The following H2AZ2 variants were observed in gnomAD, a reference collection of about 807,000 sequenced individuals.
The protein encoded by H2AZ2 is H2A.Z variant histone 2.
Under a neutral mutation model 15.5 loss-of-function variants are expected in H2AZ2, and 5 were observed. That is an observed-to-expected ratio of 0.32 (90% confidence interval 0.17 to 0.68). H2AZ2 has a LOEUF of 0.68. Among genes scored for constraint, H2AZ2 ranks in the 30% least tolerant of loss-of-function variants. The pLI, the probability that H2AZ2 is intolerant of heterozygous loss-of-function variation, is 0.72. For synonymous variants in H2AZ2, 44 were observed against 57.4 expected, an observed-to-expected ratio of 0.77 and a Z score of 1.05; for missense variants, 42 against 162.5, an observed-to-expected ratio of 0.26 and a Z score of 4.03.
rs960793381 is a variant in H2AZ2, at chr7:44,831,987, T to C, written c.*2514A>G. 6.6e-6 allele frequency among the ~76,000 whole-genome samples: 1 copy of C among 152,172 alleles called. No homozygotes were observed. The highest frequency in any genetic ancestry group is 2.4e-5 in the African/African-American group (1 of 41,420). On this transcript the variant is annotated 3_prime_UTR_variant, in exon 5 of 5. Transcript: ENST00000308153. ...AACAGAACAACAGAAGCCCTCTAGA[T>C]CTGTCAGTTTATAGAACATATAGGG... is the stretch of plus-strand genomic sequence containing the variant.
chr7:44,829,878 A>G (rs1183613860), downstream of H2AZ2: 1 of 348,158 alleles, frequency 2.9e-6, no homozygotes, highest in East Asian at 5.7e-5. Flanking sequence ...AGTTTATCCA[A>G]AAGGTCAAAC....
chr7:44,843,497 T>C, intron 1 of H2AZ2, 143 bp from the exon 2 acceptor site: 6 of 604,510 alleles, frequency 9.9e-6, no homozygotes, highest in East Asian at 2.8e-5. Flanking sequence ...TAAATATACA[T>C]GGGATTCTAT....
intron 3 of H2AZ2, among the ~76,000 whole-genome samples, chr7:44,840,254 A>T (rs989560567): frequency 1.5e-4 from 23 of 151,946 alleles, no homozygotes; most frequent in East Asian, 1.9e-4. Flanking sequence ...ACTTTTAAAA[A>T]TTTTTTTACT....
At chr7:44,840,582 C>T (rs1202017590) in intron 3 of H2AZ2, among the ~76,000 whole-genome samples, 1 of 152,086 alleles carries the variant, frequency 6.6e-6, no homozygotes, top group Non-Finnish European at 1.5e-5. Flanking sequence ...ACCAGTGTGG[C>T]CAACATGGTG....
At chr7:44,839,378 C>CA (rs1562787275) in intron 3 of H2AZ2, among the ~76,000 whole-genome samples, 1 of 151,632 alleles carries the variant, frequency 6.6e-6, no homozygotes, top group Admixed American at 6.6e-5. Context: ...CCTGTCTCCA[C>CA]AAAAAAATAA....
chr7:44,836,377 A>T (rs1793123411), intron 3 of H2AZ2, among the ~76,000 whole-genome samples: 1 of 152,178 alleles, frequency 6.6e-6, no homozygotes, highest in Non-Finnish European at 1.5e-5. Context: ...AATTTTTTAA[A>T]AATAAAAGAG....
In H2AZ2 at chr7:44,833,948, C is replaced by G. The variant is rs544365702; in HGVS notation, c.*553G>C. 2.9e-5 allele frequency: 5 copies of G among 175,396 alleles called. No individual in the cohort carries two copies. Among genetic ancestry groups the G allele is most frequent in the Non-Finnish European group, 5.6e-5 (5 of 89,476 alleles). The allele number at this position is 175,396 out of a possible 1,614,324, so 10.9% of individuals were successfully genotyped here. On this transcript the variant is annotated 3_prime_UTR_variant, in exon 5 of 5. Transcript: ENST00000308153. Reference sequence around the variant, plus strand: ...TCCACTACCATTTCAGTCATAAATGCATACTTTTCTATAATCTAACATCTC... The same window carrying G: ...TCCACTACCATTTCAGTCATAAATGGATACTTTTCTATAATCTAACATCTC...
chr7:44,832,817 G>A lies in H2AZ2; in HGVS notation c.*1684C>T, dbSNP rs1345991040. 1.3e-5 allele frequency among the ~76,000 whole-genome samples: 2 copies of A among 152,056 alleles called. No homozygotes were observed. Among genetic ancestry groups the A allele is most frequent in the South Asian group, 2.1e-4 (1 of 4,832 alleles). On this transcript the variant is annotated 3_prime_UTR_variant, in exon 5 of 5. Coordinates refer to ENST00000308153, the MANE Select transcript of H2AZ2 (RefSeq NM_012412.5). ...TAAAAAAAATTAGCCAGGTATGGTGGCATGTGCCTGTGGTCCCAGCTATTT... is the reference window on the plus strand; with the variant it reads ...TAAAAAAAATTAGCCAGGTATGGTGACATGTGCCTGTGGTCCCAGCTATTT...
At chr7:44,834,784 C>CTTTT (rs35455193) in intron 4 of H2AZ2, 18 of 159,606 alleles carry the variant, frequency 1.1e-4, no homozygotes, top group Non-Finnish European at 1.3e-4. Context: ...GTAACCATAG[C>CTTTT]TTTTTTTTTT....
At chr7:44,840,820 A>G in intron 3 of H2AZ2, 79 bp downstream of exon 3, 1 of 931,882 alleles carries the variant, frequency 1.1e-6, no homozygotes. Context: ...TCTTTTTTCA[A>G]ATATATTCCA....
chr7:44,844,289 A>G (rs1793346605), intron 1 of H2AZ2, among the ~76,000 whole-genome samples: 1 of 152,264 alleles, frequency 6.6e-6, no homozygotes, highest in East Asian at 1.9e-4. Flanking sequence ...ATTCTGACAC[A>G]AGCTACAACA....
Position 44,847,999 on chromosome 7 carries a change from C to T in H2AZ2, c.-28G>A, listed in dbSNP as rs575464052. The T allele has an allele frequency of 1.5e-6, 2 of 1,344,394 alleles. No individual in the cohort carries two copies. Among genetic ancestry groups the T allele is most frequent in the South Asian group, 1.9e-5 (1 of 51,690 alleles). The allele number at this position is 1,344,394 out of a possible 1,614,324, so 83.3% of individuals were successfully genotyped here. On this transcript the variant is annotated 5_prime_UTR_variant, in exon 1 of 5. Transcript: ENST00000308153. ...TCTCGGCGCCGACTCCGCCTCCGCT[C>T]GGCCGCGCGCCCTCCCGCTGCCGAC...
intron 2 of H2AZ2, among the ~76,000 whole-genome samples, chr7:44,842,333 A>C (rs905170611): frequency 2.6e-5 from 4 of 152,204 alleles, no homozygotes; most frequent in Non-Finnish European, 5.9e-5. Context: ...TATCCATTTT[A>C]CATAAATGAT....
rs2117021037 is a variant in H2AZ2 at position 44,832,959 on chromosome 7, A to C, written c.*1542T>G. Reference sequence around the variant, plus strand: ...AGCAAGAGCCTGTCTCAAAACAAACAAAAAAGTTTCTTAGAAACTGATAAA... The same window carrying C: ...AGCAAGAGCCTGTCTCAAAACAAACCAAAAAGTTTCTTAGAAACTGATAAA... On this transcript the variant is annotated 3_prime_UTR_variant, in exon 5 of 5. Coordinates refer to ENST00000308153, the MANE Select transcript of H2AZ2 (RefSeq NM_012412.5). Among the ~76,000 whole-genome samples the C allele has an allele frequency of 6.6e-6, 1 of 152,310 alleles. No individual in the cohort carries two copies. Among genetic ancestry groups the C allele is most frequent in the South Asian group, 2.1e-4 (1 of 4,830 alleles).
Position 44,832,683 on chromosome 7 carries a change from T to C in H2AZ2, c.*1818A>G, listed in dbSNP as rs1793020564. 1.3e-5 allele frequency among the ~76,000 whole-genome samples: 2 copies of C among 152,224 alleles called. No individual in the cohort carries two copies. Among genetic ancestry groups the C allele is most frequent in the Non-Finnish European group, 2.9e-5 (2 of 68,042 alleles). On this transcript the variant is annotated 3_prime_UTR_variant, in exon 5 of 5. Transcript: ENST00000308153. The stretch of plus-strand genomic sequence containing the variant: ...GTTACTTAGCGCAGGGCATGGTGGC[T>C]TATGCCTATAATCCCAGTACTTTGG...
intron 3 of H2AZ2, among the ~76,000 whole-genome samples, chr7:44,838,975 A>G (rs1007339498): frequency 6.6e-6 from 1 of 152,162 alleles, no homozygotes. Flanking sequence ...TGACTTCCCA[A>G]CGGATTTTTT....
chr7:44,830,696 AT>A (rs1488154143), downstream of H2AZ2, among the ~76,000 whole-genome samples: 7 of 152,208 alleles, frequency 4.6e-5, no homozygotes. Flanking sequence ...GTTGTTTTTA[AT>A]TATAAGAAAT....
chr7:44,830,245 T>C, downstream of H2AZ2: 1 of 1,322,980 alleles, frequency 7.6e-7, no homozygotes, highest in Admixed American at 1.8e-5. Flanking sequence ...AGCTGATAAC[T>C]GGATAAAATA....
chr7:44,830,286 G>GT, downstream of H2AZ2: 1 of 911,470 alleles, frequency 1.1e-6, no homozygotes, highest in South Asian at 1.7e-5. Flanking sequence ...GATATAGGTG[G>GT]TGAGTATAAG....
Sources: allele counts gnomAD v4.1 joint callset (sites outside exome capture counted in the v4.1 genomes callset), GRCh38; gene constraint gnomAD v4.1.1; transcripts MANE v1.5; gene names NCBI Gene and HGNC (gene_info 2026-07-23, HGNC 2026-07-21).